The following WDR81 variants were observed in gnomAD, a reference collection of about 807,000 sequenced individuals.
WDR81 encodes the protein WD repeat-containing protein 81.
Under a neutral mutation model 140.8 loss-of-function variants are expected in WDR81, and 92 were observed. The observed-to-expected ratio is 0.65, with a 90% CI of 0.55 to 0.78. The LOEUF (loss-of-function observed/expected upper bound fraction) is 0.78. WDR81 is among the 30% of genes least tolerant of loss of function. The probability of loss-of-function intolerance (pLI) is 0.00; values close to 1 mark genes in which losing one functional copy is unlikely to be tolerated. For synonymous variants in WDR81, 1,183 were observed against 1,156.4 expected (o/e 1.02, Z -0.47); for missense variants, 2,502 against 2,636.4 (o/e 0.95, Z 1.12).
chr17:1,724,859 C>G lies in WDR81; in HGVS notation c.-101C>G, dbSNP rs1048373947. The G allele has an allele frequency of 8.0e-6, 10 of 1,244,070 alleles. No homozygotes were observed. The highest frequency in any genetic ancestry group is 9.0e-6 in the Non-Finnish European group (9 of 995,228). 77.1% of individuals were successfully genotyped at this position (1,244,070 alleles called of 1,614,324 possible). A position where few individuals can be genotyped will look rare whatever the true frequency, so the allele number is the denominator to read the frequency against. Reference sequence around the variant, plus strand: ...GCCGCCTCCGCCCCAGCCCCTGTCCCGCGCCCATCCCAGCCCCGCCGGCCT... The same window carrying G: ...GCCGCCTCCGCCCCAGCCCCTGTCCGGCGCCCATCCCAGCCCCGCCGGCCT... On this transcript the variant is annotated 5_prime_UTR_variant, in exon 1 of 10. Transcript: ENST00000409644.
Position 1,725,075 on chromosome 17 carries a change from G to A in WDR81, c.116G>A (p.Ser39Asn). 2 of 1,492,090 alleles carry A rather than the reference G, an allele frequency of 1.3e-6. No individual in the cohort carries two copies. Among genetic ancestry groups the A allele is most frequent in the Non-Finnish European group, 1.8e-6 (2 of 1,120,528 alleles). 92.4% of individuals were successfully genotyped at this position (1,492,090 alleles called of 1,614,324 possible). A position where few individuals can be genotyped will look rare whatever the true frequency, so the allele number is the denominator to read the frequency against. Residue 39 changes from serine to asparagine, a missense_variant, in exon 1 of 10, where the codon AGC becomes AAC. Transcript: ENST00000409644. The part of the protein sequence containing the change: ...ELLRSVERDL[S>N]IDPRQLAPAP... ...CTCCGGAGCGTGGAGAGGGACCTGA[G>A]CATCGATCCCAGGCAGCTGGCTCCG...
chr17:1,720,309 A>G (rs1052051915), upstream of WDR81, among the ~76,000 whole-genome samples: 4 of 152,200 alleles, frequency 2.6e-5, no homozygotes, highest in Non-Finnish European at 5.9e-5. Flanking sequence ...AGGTGCTTGC[A>G]TTGGGATTCA....
rs1904816755 is a variant in WDR81, at chr17:1,735,843, T to G, written c.5325+126T>G. On this transcript the variant is annotated intron_variant, in intron 8 of 9. Transcript: ENST00000409644. The surrounding 1 kb of genome is among the most constrained non-coding windows in gnomAD (Gnocchi z 4.2). ...GCCCTAGTTAGTTTCTCTTTGGTGCTAGATCACCCACAGCCACACATCCTG... is the reference window on the plus strand; with the variant it reads ...GCCCTAGTTAGTTTCTCTTTGGTGCGAGATCACCCACAGCCACACATCCTG... 1 of 1,411,078 alleles carries G rather than the reference T, an allele frequency of 7.1e-7. No individual in the cohort carries two copies. Among genetic ancestry groups the G allele is most frequent in the South Asian group, 1.4e-5 (1 of 70,584 alleles). The allele number at this position is 1,411,078 out of a possible 1,614,324, so 87.4% of individuals were successfully genotyped here.
rs1264211809 is a variant in WDR81, at chr17:1,725,945, A to C, written c.986A>C (p.Gln329Pro). ...AGGGATGAGGCGGGCATTGTGTCTC[A>C]AGAGGAGCAGGGAGGGCAACCTGGG... ...VARDEAGIVSQEEQGGQPGQP... is the reference protein window; with the variant it reads ...VARDEAGIVSPEEQGGQPGQP... The change falls in exon 1 of 10, where the codon CAA (glutamine) becomes CCA (proline). Residue 329 changes from glutamine to proline, a missense_variant. Around this residue, in one of 3 missense-constraint regions of WDR81, gnomAD observed 547 missense variants for 513.8 expected, o/e 1.06. Coordinates refer to ENST00000409644, the MANE Select transcript of WDR81 (RefSeq NM_001163809.2). 1 of 1,550,698 alleles carries C rather than the reference A, an allele frequency of 6.4e-7. No homozygotes were observed. The highest frequency in any genetic ancestry group is 2.0e-5 in the Admixed American group (1 of 50,996).
intron 9 of WDR81, among the ~76,000 whole-genome samples, chr17:1,736,846 T>G (rs1238794537): frequency 6.6e-6 from 1 of 151,926 alleles, no homozygotes; most frequent in Admixed American, 6.6e-5. Flanking sequence ...AGGCCAGGAG[T>G]CTTGCATTGC....
chr17:1,719,932 C>T (rs1442356768), upstream of WDR81, among the ~76,000 whole-genome samples: 1 of 152,084 alleles, frequency 6.6e-6, no homozygotes, highest in Non-Finnish European at 1.5e-5. Context: ...CAAGATGGCG[C>T]CACTGCACTC....
At chr17:1,736,258 C>G in intron 9 of WDR81, 40 bp downstream of exon 9, 1 of 1,572,794 alleles carries the variant, frequency 6.4e-7, no homozygotes, top group African/African-American at 1.3e-5. Flanking sequence ...GCCCAACCCC[C>G]GCCCCTGTCC....
rs1460318554 is a variant in WDR81 at position 1,727,218 on chromosome 17, G to T, written c.2259G>T (p.Glu753Asp). ...KGLGGLLEVP[E>D]QPRVQPAVPL... ...TAGGGGGCCTGTTGGAGGTGCCTGA[G>T]CAGCCCCGGGTCCAGCCGGCTGTGC... Residue 753 changes from glutamate to aspartate, a missense_variant, in exon 1 of 10, where the codon GAG becomes GAT. By Grantham distance (45) the Glu-to-Asp change is conservative. Around this residue, in one of 3 missense-constraint regions of WDR81, gnomAD observed 1,737 missense variants for 1,843.0 expected, o/e 0.94. Coordinates refer to ENST00000409644, the MANE Select transcript of WDR81 (RefSeq NM_001163809.2). The T allele has an allele frequency of 1.9e-6, 3 of 1,550,264 alleles. No individual in the cohort carries two copies. The Admixed American group carries it at 5.9e-5, about 30-fold the overall frequency.
At chr17:1,721,598 G>A (rs986058913), upstream of WDR81, among the ~76,000 whole-genome samples, 27 of 151,884 alleles carry the variant, frequency 1.8e-4, no homozygotes, top group Admixed American at 4.6e-4. Context: ...GAGATGGGCC[G>A]ATTGCTTGAG....
intron 4 of WDR81, 68 bp downstream of exon 4, chr17:1,731,326 A>G: frequency 6.5e-7 from 1 of 1,532,832 alleles, no homozygotes; most frequent in Non-Finnish European, 8.8e-7. Flanking sequence ...AGGGGGTGGG[A>G]AGCTCAGGGG....
Position 1,725,280 on chromosome 17 carries a change from G to C in WDR81, c.321G>C (p.Val107=). The C allele has an allele frequency of 1.9e-6, 3 of 1,546,398 alleles. No individual in the cohort carries two copies. The highest frequency in any genetic ancestry group is 2.6e-6 in the Non-Finnish European group (3 of 1,146,948). Reference sequence around the variant, plus strand: ...CTGCCGGCTGGACGCGCGTGGAGGTGCATGGGCTGCGGAAGCGGAGACTGT... The same window carrying C: ...CTGCCGGCTGGACGCGCGTGGAGGTCCATGGGCTGCGGAAGCGGAGACTGT... The part of the protein sequence containing the change: ...RLPAGWTRVE[V]HGLRKRRLSY... Residue 107 remains valine, a synonymous_variant, in exon 1 of 10, where the codon GTG becomes GTC. Transcript: ENST00000409644.
chr17:1,731,846 G>C (rs936920810), intron 4 of WDR81, among the ~76,000 whole-genome samples: 1 of 151,980 alleles, frequency 6.6e-6, no homozygotes, highest in African/African-American at 2.4e-5. Flanking sequence ...AGAATTGCTT[G>C]AACCCAGGAA....
Position 1,728,371 on chromosome 17 carries a change from C to T in WDR81, c.3412C>T (p.Arg1138Ter), listed in dbSNP as rs773044200. ...TGCCCCCGTGGACAAGAGCAGCCTT[C>T]GATCAGGTGACAGCAGCCAGGACTT... ...GGAPVDKSSL[R>*]SGDSSQDLKQ... The change falls in exon 1 of 10, where the codon CGA becomes TGA. Residue 1138 changes from arginine to a stop codon, truncating the protein, a stop_gained. Transcript: ENST00000409644. LOFTEE classifies it high-confidence loss of function. 8.1e-6 allele frequency: 13 copies of T among 1,612,950 alleles called. No homozygotes were observed. Among genetic ancestry groups the T allele is most frequent in the African/African-American group, 5.3e-5 (4 of 75,054 alleles).
chr17:1,725,532 A>G lies in WDR81; in HGVS notation c.573A>G (p.Pro191=). ...LQRVYGCSFL[P]VGETTQCPSY... The stretch of plus-strand genomic sequence containing the variant: ...GGGTCTATGGTTGCTCCTTCCTGCC[A>G]GTGGGTGAAACTACCCAATGCCCTT... Residue 191 remains proline, a synonymous_variant, in exon 1 of 10, where the codon CCA becomes CCG. Transcript: ENST00000409644. 1.3e-6 allele frequency: 2 copies of G among 1,545,394 alleles called. No homozygotes were observed. Among genetic ancestry groups the G allele is most frequent in the Non-Finnish European group, 1.7e-6 (2 of 1,146,962 alleles).
Position 1,730,872 on chromosome 17 carries a change from G to T in WDR81, c.3893G>T (p.Cys1298Phe). Residue 1298 changes from cysteine (C) to phenylalanine (F), a missense_variant, in exon 3 of 10, where the codon TGC becomes TTC. Cys to Phe is a radical substitution (Grantham distance 205). Coordinates refer to ENST00000409644, the MANE Select transcript of WDR81 (RefSeq NM_001163809.2). ...ATCGTGTCAGGGCCTGTGCTCAGCT[G>T]CCTCCTCCACATCGCCCGCCTGTAT... The part of the protein sequence containing the change: ...GDIVSGPVLS[C>F]LLHIARLYGE... 6.2e-7 allele frequency: 1 copy of T among 1,612,834 alleles called. No homozygotes were observed. Among genetic ancestry groups the T allele is most frequent in the Non-Finnish European group, 8.5e-7 (1 of 1,179,960 alleles).
At chr17:1,724,641 C>A (rs1240396433), upstream of WDR81, 17 of 1,020,610 alleles carry the variant, frequency 1.7e-5, no homozygotes, top group Middle Eastern at 4.7e-4. Context: ...AGCGGGGTCC[C>A]GCCCGGGCCT....
rs1457752933 is a variant in WDR81 at position 1,725,199 on chromosome 17, G to T, written c.240G>T (p.Glu80Asp). Residue 80 changes from glutamate (E) to aspartate (D), a missense_variant, in exon 1 of 10, where the codon GAG becomes GAT. Coordinates refer to ENST00000409644, the MANE Select transcript of WDR81 (RefSeq NM_001163809.2). ...RLPLGPCPRA[E>D]GLGEAEVRTL... ...CCCTGGGACCCTGTCCCCGCGCAGAGGGCCTGGGAGAAGCGGAAGTCAGGA... is the reference window on the plus strand; with the variant it reads ...CCCTGGGACCCTGTCCCCGCGCAGATGGCCTGGGAGAAGCGGAAGTCAGGA... 1 of 1,537,980 alleles carries T rather than the reference G, an allele frequency of 6.5e-7. No homozygotes were observed. The highest frequency in any genetic ancestry group is 8.7e-7 in the Non-Finnish European group (1 of 1,146,690).
Position 1,735,527 on chromosome 17 carries a change from C to G in WDR81, c.5180-45C>G, listed in dbSNP as rs560315223. 1 of 1,536,102 alleles carries G rather than the reference C, an allele frequency of 6.5e-7. No homozygotes were observed. The highest frequency in any genetic ancestry group is 1.4e-5 in the African/African-American group (1 of 72,996). On this transcript the variant is annotated intron_variant, in intron 7 of 9. Transcript: ENST00000409644. The surrounding 1 kb of genome is among the most constrained non-coding windows in gnomAD (Gnocchi z 4.2). The stretch of plus-strand genomic sequence containing the variant: ...GGATTAGAAGCTCCCAGGGCTCTTC[C>G]GTCAGCTGCTGGGACCCCAGATCCA...
Position 1,734,131 on chromosome 17 carries a change from G to C in WDR81, c.5094G>C (p.Lys1698Asn), listed in dbSNP as rs1234028337. The change falls in exon 7 of 10, where the codon AAG becomes AAC. Residue 1698 changes from lysine (K) to asparagine (N), a missense_variant. Physicochemically the swap from Lys to Asn is moderately conservative, Grantham distance 94 (BLOSUM62 0). This residue lies in a region of WDR81 where 1,737 missense variants were observed against 1,843.0 expected (regional missense o/e 0.94). Transcript: ENST00000409644. The part of the protein sequence containing the change: ...APRLVYTQHR[K>N]SVFFVGQLEA... Reference sequence around the variant, plus strand: ...GCCTCGTCTACACCCAGCACCGCAAGAGCGTCTTCTTCGTGGGCCAGCTTG... The same window carrying C: ...GCCTCGTCTACACCCAGCACCGCAACAGCGTCTTCTTCGTGGGCCAGCTTG... The C allele has an allele frequency of 1.9e-6, 3 of 1,599,942 alleles. No homozygotes were observed. The highest frequency in any genetic ancestry group is 2.5e-6 in the Non-Finnish European group (3 of 1,179,750).
Sources: allele counts gnomAD v4.1 joint callset (sites outside exome capture counted in the v4.1 genomes callset), GRCh38; gene constraint gnomAD v4.1.1; regional missense constraint gnomAD v4.1.1; non-coding constraint Gnocchi (gnomAD v3.1); transcripts MANE v1.5; gene names NCBI Gene and HGNC (gene_info 2026-07-23, HGNC 2026-07-21).